INPP4B: variants seen among roughly 807,000 people sequenced by gnomAD.
INPP4B encodes inositol polyphosphate 4-phosphatase type II.
INPP4B carries 55 observed loss-of-function variants against 122.5 expected under a neutral mutation model. The observed-to-expected ratio is 0.45, with a 90% confidence interval of 0.36 to 0.56. The LOEUF (loss-of-function observed/expected upper bound fraction) is 0.56. Among genes scored for constraint, INPP4B ranks in the 20% least tolerant of loss-of-function variants. INPP4B has a pLI of 0.00. For missense variants in INPP4B, 1,000 were observed against 1,097.7 expected (o/e 0.91, Z 1.26); for synonymous variants, 403 against 388.7 (o/e 1.04, Z -0.43).
At chr4:142,667,599 A>G (rs1756324454) in intron 2 of INPP4B, among the ~76,000 whole-genome samples, 1 of 152,258 alleles carries the variant, frequency 6.6e-6, no homozygotes, top group Admixed American at 6.5e-5. Flanking sequence ...GCATATCTCT[A>G]GGGGGTTATT....
At chr4:142,173,902 G>T (rs1452708346) in intron 15 of INPP4B, 93 bp from the exon 16 acceptor site, 3 of 980,870 alleles carry the variant, frequency 3.1e-6, no homozygotes, top group Non-Finnish European at 3.2e-6. Context: ...AGAACTCCAA[G>T]TATCACTCTT....
intron 21 of INPP4B, among the ~76,000 whole-genome samples, chr4:142,118,424 T>C (rs541983705): frequency 1.4e-4 from 21 of 152,124 alleles, no homozygotes; most frequent in Non-Finnish European, 2.8e-4. Context: ...CAAAACAGCA[T>C]GGTACTGGTA....
chr4:142,081,911 G>A, intron 25 of INPP4B, 120 bp downstream of exon 25: 2 of 606,482 alleles, frequency 3.3e-6, no homozygotes, highest in Non-Finnish European at 5.3e-6. Flanking sequence ...TATAAGCCAT[G>A]AAAATGCAGT....
chr4:142,310,974 C>T (rs1765301459), intron 8 of INPP4B, among the ~76,000 whole-genome samples: 1 of 151,918 alleles, frequency 6.6e-6, no homozygotes, highest in Non-Finnish European at 1.5e-5. Flanking sequence ...TGGGTGCATC[C>T]ACTAAATTCT....
At chr4:142,692,872 T>A (rs1446014491) in intron 2 of INPP4B, among the ~76,000 whole-genome samples, 2 of 148,018 alleles carry the variant, frequency 1.4e-5, no homozygotes, top group Non-Finnish European at 3.0e-5. Context: ...AGCTCTATAG[T>A]CAAAAGTTGA....
intron 1 of INPP4B, among the ~76,000 whole-genome samples, chr4:142,804,391 A>G: frequency 6.6e-6 from 1 of 152,136 alleles, no homozygotes; most frequent in East Asian, 1.9e-4. Flanking sequence ...CAAACAATTG[A>G]GGAATATGCC....
intron 7 of INPP4B, among the ~76,000 whole-genome samples, chr4:142,340,719 C>A (rs1288064790): frequency 6.6e-6 from 1 of 152,126 alleles, no homozygotes; most frequent in African/African-American, 2.4e-5. Flanking sequence ...AGCCAGGGTC[C>A]TTCTCGTTAG....
Position 142,024,392 on chromosome 4 carries a change from C to T in INPP4B, c.*4390G>A, listed in dbSNP as rs1041542411. 2.6e-5 allele frequency: 4 copies of T among 152,132 alleles called. No individual in the cohort carries two copies. The highest frequency in any genetic ancestry group is 7.2e-5 in the African/African-American group (3 of 41,458). The allele number at this position is 152,132 out of a possible 1,614,324, so 9.4% of individuals were successfully genotyped here. A position where few individuals can be genotyped will look rare whatever the true frequency, so the allele number is the denominator to read the frequency against. On this transcript the variant is annotated 3_prime_UTR_variant, in exon 26 of 26. Coordinates refer to ENST00000262992, the MANE Select transcript of INPP4B (RefSeq NM_001101669.3). ...ATCAGCTACACATCTCTCACCAAATCATTCTTTTTGGTCGTGCATAATTTT... is the reference window on the plus strand; with the variant it reads ...ATCAGCTACACATCTCTCACCAAATTATTCTTTTTGGTCGTGCATAATTTT...
chr4:142,330,051 C>T (rs1484574521), intron 7 of INPP4B, among the ~76,000 whole-genome samples: 1 of 152,074 alleles, frequency 6.6e-6, no homozygotes, highest in Non-Finnish European at 1.5e-5. Context: ...CTAATGAAAG[C>T]TCTATGAATA....
intron 1 of INPP4B, among the ~76,000 whole-genome samples, chr4:142,824,296 T>TTATCTATCTATCTATC (rs369651255): frequency 6.6e-6 from 1 of 150,546 alleles, no homozygotes; most frequent in Admixed American, 6.6e-5. Flanking sequence ...TACCTATCTA[T>TTATCTATCTATCTATC]TATCTATCTG....
In INPP4B at chr4:142,712,730, C is replaced by A. The variant is rs138582201; in HGVS notation, c.-191+13109G>T. On this transcript the variant is annotated intron_variant, in intron 2 of 25. Coordinates refer to ENST00000262992, the MANE Select transcript of INPP4B (RefSeq NM_001101669.3). ...GTCAACTAACCCACTAAGATTTTTC[C>A]CCTAATAATAAATAAGTACTTCTCC... 5.8e-4 allele frequency among the ~76,000 whole-genome samples: 89 copies of A among 152,206 alleles called. 1 individual carries two copies. The East Asian group carries it at 0.015, about 25-fold the overall frequency.
chr4:142,405,107 T>TGGGGCG (rs1802932619), intron 6 of INPP4B, 99 bp downstream of exon 6: 1 of 527,114 alleles, frequency 1.9e-6, no homozygotes, highest in Non-Finnish European at 3.2e-6. Context: ...AATCCAGAGA[T>TGGGGCG]GGGGCGGGGG....
At chr4:142,047,759 G>A (rs994258192) in intron 25 of INPP4B, among the ~76,000 whole-genome samples, 1 of 152,016 alleles carries the variant, frequency 6.6e-6, no homozygotes, top group Non-Finnish European at 1.5e-5. Context: ...GATTGCAAGG[G>A]AGCAGAGACA....
chr4:142,339,098 C>T (rs1310012855), intron 7 of INPP4B, among the ~76,000 whole-genome samples: 1 of 152,176 alleles, frequency 6.6e-6, no homozygotes, highest in Non-Finnish European at 1.5e-5. Flanking sequence ...ACTCAGTTCT[C>T]TCAGTTTTCT....
intron 16 of INPP4B, 108 bp downstream of exon 16, chr4:142,173,524 T>A: frequency 3.3e-6 from 3 of 898,096 alleles, no homozygotes; most frequent in Non-Finnish European, 3.4e-6. Context: ...TTTAACCTAC[T>A]CTATTTTACA....
chr4:142,841,694 A>T (rs1187222700), intron 1 of INPP4B, among the ~76,000 whole-genome samples: 1 of 151,938 alleles, frequency 6.6e-6, no homozygotes, highest in Non-Finnish European at 1.5e-5. Flanking sequence ...CTTCAAAGCT[A>T]TTTAAAATAT....
At chr4:142,091,629 T>C (rs1300336960) in intron 23 of INPP4B, among the ~76,000 whole-genome samples, 1 of 152,186 alleles carries the variant, frequency 6.6e-6, no homozygotes, top group Non-Finnish European at 1.5e-5. Context: ...ACCCCATGAC[T>C]ATTCTCGTAC....
chr4:142,597,221 T>A (rs1004941256), intron 2 of INPP4B, among the ~76,000 whole-genome samples: 3 of 152,220 alleles, frequency 2.0e-5, no homozygotes, highest in African/African-American at 7.2e-5. Flanking sequence ...TTATTCTGTC[T>A]TAATGTTCAA....
chr4:142,413,811 C>T (rs1028628568), intron 5 of INPP4B, among the ~76,000 whole-genome samples: 3 of 152,038 alleles, frequency 2.0e-5, no homozygotes, highest in African/African-American at 7.2e-5. Flanking sequence ...TAGTATTCAG[C>T]AATCTGAGTT....
Sources: gnomAD v4.1 joint callset for allele counts (sites outside exome capture counted in the v4.1 genomes callset) on GRCh38, gnomAD v4.1.1 for gene constraint, MANE v1.5 for transcripts, NCBI Gene and HGNC (gene_info 2026-07-23, HGNC 2026-07-21) for gene names.